The following TBC1D1 variants were observed in gnomAD, a reference collection of about 807,000 sequenced individuals.
TBC1D1 encodes the protein TBC1 (tre-2/USP6, BUB2, cdc16) domain family, member 1.
In TBC1D1, 89 loss-of-function variants were observed where a neutral mutation model predicts 125.6. The ratio of observed to expected loss-of-function variants is 0.71; its 90% confidence interval spans 0.60 to 0.85. The LOEUF is 0.85. Among genes scored for constraint, TBC1D1 ranks in the 40% least tolerant of loss-of-function variants. The pLI is 0.00. For synonymous variants in TBC1D1, 565 were observed against 564.1 expected (o/e 1.00, Z -0.02); for missense variants, 1,377 against 1,469.2 (o/e 0.94, Z 1.03).
At chr4:37,899,166 G>GCTTGACACCAA (rs1715298003) in intron 1 of TBC1D1, among the ~76,000 whole-genome samples, 1 of 152,126 alleles carries the variant, frequency 6.6e-6, no homozygotes, top group Admixed American at 6.5e-5. Flanking sequence ...AGTAGTTGGT[G>GCTTGACACCAA]AAGTCAGTTA....
chr4:38,033,536 A>G (rs1367098360), intron 7 of TBC1D1, among the ~76,000 whole-genome samples: 1 of 152,138 alleles, frequency 6.6e-6, no homozygotes, highest in East Asian at 1.9e-4. Context: ...ATTATAATTG[A>G]TGAGCCAATA....
At position 37,977,625 on chromosome 4, in the gene TBC1D1, C is replaced by T; in HGVS notation, c.418-36884C>T. On this transcript the variant is annotated intron_variant, in intron 2 of 19. Coordinates refer to ENST00000261439, the MANE Select transcript of TBC1D1 (RefSeq NM_015173.4). The surrounding 1 kb of genome is among the most constrained non-coding windows in gnomAD (Gnocchi z 4.3). ...TTCGGGCCGGGGCTGGGCCGGGCCGCTGGAGGCCAGGCGCGGCGGGGGGCG... is the reference window on the plus strand; with the variant it reads ...TTCGGGCCGGGGCTGGGCCGGGCCGTTGGAGGCCAGGCGCGGCGGGGGGCG... 6.5e-6 allele frequency: 2 copies of T among 309,350 alleles called. No individual in the cohort carries two copies. Among genetic ancestry groups the T allele is most frequent in the Non-Finnish European group, 9.6e-6 (2 of 207,590 alleles). 19.2% of individuals were successfully genotyped at this position (309,350 alleles called of 1,614,324 possible).
chr4:37,996,941 C>G (rs566630837), intron 2 of TBC1D1, among the ~76,000 whole-genome samples: 1 of 152,302 alleles, frequency 6.6e-6, no homozygotes, highest in Admixed American at 6.5e-5. Context: ...AGGGGGAGAA[C>G]AGGGGTTTGG....
chr4:38,004,965 C>T (rs377439119), intron 2 of TBC1D1, among the ~76,000 whole-genome samples: 284 of 152,330 alleles, frequency 1.9e-3, no homozygotes, highest in African/African-American at 6.5e-3. Context: ...AGCAACTTAA[C>T]GAGCCCAGAA....
At chr4:38,098,359 G>A (rs372982747) in intron 14 of TBC1D1, among the ~76,000 whole-genome samples, 7 of 152,324 alleles carry the variant, frequency 4.6e-5, no homozygotes, top group East Asian at 3.9e-4. Flanking sequence ...TTGCTTCTGC[G>A]AAAGGCAAAT....
intron 2 of TBC1D1, among the ~76,000 whole-genome samples, chr4:37,958,936 A>T (rs1470005585): frequency 1.3e-5 from 2 of 152,108 alleles, no homozygotes; most frequent in Non-Finnish European, 2.9e-5. Flanking sequence ...CTGGCACATC[A>T]TATATTTACA....
chr4:37,987,580 T>C (rs1047370489), intron 2 of TBC1D1, among the ~76,000 whole-genome samples: 6 of 152,190 alleles, frequency 3.9e-5, no homozygotes, highest in African/African-American at 1.4e-4. Context: ...AAAATAGATA[T>C]ACCATATGGA....
At chr4:38,049,958 A>G in intron 11 of TBC1D1, 60 bp downstream of exon 11, 1 of 1,530,538 alleles carries the variant, frequency 6.5e-7, no homozygotes, top group Non-Finnish European at 8.9e-7. Flanking sequence ...CTAGCCAGGT[A>G]TGTGCATCCC....
intron 2 of TBC1D1, among the ~76,000 whole-genome samples, chr4:37,949,690 A>G (rs775853347): frequency 2.3e-4 from 35 of 152,244 alleles, no homozygotes; most frequent in Non-Finnish European, 4.7e-4. Flanking sequence ...AGAGGTCAGC[A>G]AACTTTTGCT....
At chr4:37,985,064 T>G (rs1578154858) in intron 2 of TBC1D1, among the ~76,000 whole-genome samples, 1 of 151,852 alleles carries the variant, frequency 6.6e-6, no homozygotes, top group East Asian at 2.0e-4. Flanking sequence ...GCAATTCTCT[T>G]GCCTCAGCCT....
Position 38,014,551 on chromosome 4 carries a change from G to T in TBC1D1, c.460G>T (p.Ala154Ser). ...CTCCATCCGTCAGGCGGGGAAGATC[G>T]CCCGGCAGGAGGAGCTGCACTGCCC... is the stretch of plus-strand genomic sequence containing the variant. Residue 154 changes from alanine to serine, a missense_variant, in exon 3 of 20, where the codon GCC (alanine) becomes TCC (serine). By Grantham distance (99) the Ala-to-Ser change is moderately conservative. Transcript: ENST00000261439. The surrounding 1 kb of genome is among the most constrained non-coding windows in gnomAD (Gnocchi z 5.1). 6.2e-7 allele frequency: 1 copy of T among 1,613,262 alleles called. No individual in the cohort carries two copies. Among genetic ancestry groups the T allele is most frequent in the Non-Finnish European group, 8.5e-7 (1 of 1,179,990 alleles).
chr4:37,896,029 A>G (rs553683047), intron 1 of TBC1D1, among the ~76,000 whole-genome samples: 6 of 152,180 alleles, frequency 3.9e-5, no homozygotes, highest in Admixed American at 2.6e-4. Flanking sequence ...GTTCAGGTGC[A>G]TGCTCACTCC....
intron 2 of TBC1D1, among the ~76,000 whole-genome samples, chr4:37,906,132 G>C (rs1435553882): frequency 6.6e-6 from 1 of 151,572 alleles, no homozygotes; most frequent in East Asian, 1.9e-4. Context: ...CTTCAATATT[G>C]TCTCGTCCCT....
chr4:38,086,069 T>G (rs1757431286), intron 12 of TBC1D1, among the ~76,000 whole-genome samples: 1 of 152,178 alleles, frequency 6.6e-6, no homozygotes, highest in Non-Finnish European at 1.5e-5. Context: ...TTTAACTATC[T>G]CCCTTTATAA....
At chr4:38,006,745 C>G (rs1449650661) in intron 2 of TBC1D1, 1 of 415,478 alleles carries the variant, frequency 2.4e-6, no homozygotes, top group East Asian at 6.9e-5. Flanking sequence ...TCCCAAAGTG[C>G]TGGGATTACA....
rs1205004415 is a variant in TBC1D1, at chr4:38,090,055, A to C, written c.2174A>C (p.Gln725Pro). The C allele has an allele frequency of 1.2e-6, 2 of 1,613,988 alleles. No individual in the cohort carries two copies. Among genetic ancestry groups the C allele is most frequent in the African/African-American group, 2.7e-5 (2 of 74,930 alleles). Residue 725 changes from glutamine (Q) to proline (P), a missense_variant, in exon 13 of 20, where the codon CAA becomes CCA. By Grantham distance (76) the Gln-to-Pro change is moderately conservative. Around this residue, in one of 3 missense-constraint regions of TBC1D1, gnomAD observed 543 missense variants for 613.5 expected, o/e 0.89. Coordinates refer to ENST00000261439, the MANE Select transcript of TBC1D1 (RefSeq NM_015173.4). ...TCTCGTGAGCTCCGAGAGCTGTGGC[A>C]AAAGGCTATTCTTCAACAGATACTG...
intron 2 of TBC1D1, among the ~76,000 whole-genome samples, chr4:37,968,082 A>G (rs1731386150): frequency 1.3e-5 from 2 of 152,276 alleles, no homozygotes; most frequent in African/African-American, 4.8e-5. Context: ...CATACTGAGA[A>G]CAGATGTTTA....
intron 7 of TBC1D1, 95 bp downstream of exon 7, chr4:38,027,974 C>T: frequency 1.1e-6 from 1 of 878,982 alleles, no homozygotes; most frequent in Non-Finnish European, 1.7e-6. Context: ...AGTGTTGTCC[C>T]AACCTGGGGG....
At chr4:38,036,365 G>A (rs898892355) in intron 8 of TBC1D1, among the ~76,000 whole-genome samples, 2 of 151,960 alleles carry the variant, frequency 1.3e-5, no homozygotes, top group Admixed American at 6.6e-5. Flanking sequence ...TTTGTCTTTT[G>A]GACTCCATGT....
Sources: gnomAD v4.1 joint callset for allele counts (sites outside exome capture counted in the v4.1 genomes callset) on GRCh38, gnomAD v4.1.1 for gene constraint, gnomAD v4.1.1 regional missense constraint, Gnocchi (gnomAD v3.1) non-coding constraint, MANE v1.5 for transcripts, NCBI Gene and HGNC (gene_info 2026-07-23, HGNC 2026-07-21) for gene names.